The following CNTNAP2 variants were observed in gnomAD, a reference collection of about 807,000 sequenced individuals.
The protein encoded by CNTNAP2 is contactin-associated protein-like 2.
A neutral mutation model predicts 155.2 loss-of-function variants in CNTNAP2; 98 were observed. The ratio of observed to expected loss-of-function variants is 0.63; its 90% CI spans 0.54 to 0.75. CNTNAP2 has a LOEUF of 0.75. Ranked by LOEUF, CNTNAP2 falls within the 30% of genes least tolerant of loss-of-function variation. The pLI, the probability that CNTNAP2 is intolerant of heterozygous loss-of-function variation, is 0.00. For synonymous variants in CNTNAP2, 651 were observed against 631.2 expected (o/e 1.03, Z -0.47); for missense variants, 1,727 against 1,688.1 (o/e 1.02, Z -0.40).
intron 13 of CNTNAP2, among the ~76,000 whole-genome samples, chr7:147,852,987 GA>G (rs1171478720): frequency 6.6e-6 from 1 of 152,152 alleles, no homozygotes; most frequent in East Asian, 1.9e-4. Flanking sequence ...CCCACAGATG[GA>G]AGGAACATTG....
intron 3 of CNTNAP2, among the ~76,000 whole-genome samples, chr7:147,004,804 G>C (rs1798495493): frequency 6.6e-6 from 1 of 151,902 alleles, no homozygotes; most frequent in South Asian, 2.1e-4. Flanking sequence ...GAATTAATTA[G>C]CTTCTCCAAG....
intron 9 of CNTNAP2, among the ~76,000 whole-genome samples, chr7:147,385,897 G>A (rs189271635): frequency 0.01 from 1,558 of 152,294 alleles, 5 homozygotes; most frequent in Non-Finnish European, 0.016. Flanking sequence ...TCTTCATGAG[G>A]GTCCCATCTC....
chr7:147,128,752 C>T lies in CNTNAP2; in HGVS notation c.999C>T (p.Phe333=). Residue 333 remains phenylalanine, a synonymous_variant, in exon 7 of 24, where the codon TTC becomes TTT. Transcript: ENST00000361727. ...GKPSSSSRKN[F]KGCMESINYN... ...CCAGCTCCAGCAGTAGAAAGAATTT[C>T]AAAGGCTGCATGGAAAGCATCAACT... 1 of 1,614,028 alleles carries T rather than the reference C, an allele frequency of 6.2e-7. No homozygotes were observed. Among genetic ancestry groups the T allele is most frequent in the Non-Finnish European group, 8.5e-7 (1 of 1,179,960 alleles).
chr7:147,558,581 T>G (rs995530145), intron 11 of CNTNAP2, among the ~76,000 whole-genome samples: 5 of 152,184 alleles, frequency 3.3e-5, no homozygotes, highest in Non-Finnish European at 7.3e-5. Context: ...ACTGAAGTGT[T>G]TGGTTTTCTG....
intron 1 of CNTNAP2, among the ~76,000 whole-genome samples, chr7:146,657,814 C>G (rs938687685): frequency 6.6e-6 from 1 of 151,782 alleles, no homozygotes; most frequent in Non-Finnish European, 1.5e-5. Flanking sequence ...TCAAAGAAAC[C>G]TTTTAGAATG....
At chr7:146,780,809 G>A (rs1288499849) in intron 2 of CNTNAP2, among the ~76,000 whole-genome samples, 1 of 152,028 alleles carries the variant, frequency 6.6e-6, no homozygotes, top group East Asian at 1.9e-4. Context: ...CTTATAAATG[G>A]GAGCTGAACA....
intron 3 of CNTNAP2, among the ~76,000 whole-genome samples, chr7:146,881,731 G>T (rs1319627066): frequency 2.8e-5 from 4 of 142,930 alleles, no homozygotes; most frequent in Non-Finnish European, 4.6e-5. Flanking sequence ...TCTGTCACTT[G>T]TGCTTGGTGA....
chr7:146,733,447 C>T (rs1468985921), intron 1 of CNTNAP2, among the ~76,000 whole-genome samples: 1 of 151,958 alleles, frequency 6.6e-6, no homozygotes, highest in Non-Finnish European at 1.5e-5. Context: ...AAAATATATA[C>T]ATTTAAATTC....
intron 20 of CNTNAP2, among the ~76,000 whole-genome samples, chr7:148,248,634 C>A (rs1048998303): frequency 6.6e-6 from 1 of 152,146 alleles, no homozygotes; most frequent in African/African-American, 2.4e-5. Context: ...AATATACCCC[C>A]ATGCATTTAT....
intron 1 of CNTNAP2, among the ~76,000 whole-genome samples, chr7:146,344,751 G>T: frequency 6.6e-6 from 1 of 152,134 alleles, no homozygotes; most frequent in East Asian, 1.9e-4. Flanking sequence ...GTGCTGGATT[G>T]CTGGCATGAG....
intron 1 of CNTNAP2, among the ~76,000 whole-genome samples, chr7:146,525,070 G>A (rs368999665): frequency 1.3e-5 from 2 of 151,878 alleles, no homozygotes; most frequent in East Asian, 3.9e-4. Context: ...AGTATAGAAG[G>A]TCAGTGGATC....
intron 19 of CNTNAP2, among the ~76,000 whole-genome samples, chr7:148,228,217 A>T (rs1042631242): frequency 1.3e-5 from 2 of 152,178 alleles, no homozygotes; most frequent in African/African-American, 4.8e-5. Context: ...CAATTTGAGT[A>T]ACAAATGAGA....
intron 17 of CNTNAP2, among the ~76,000 whole-genome samples, chr7:148,171,954 GA>G (rs1365843993): frequency 1.3e-5 from 2 of 152,194 alleles, no homozygotes; most frequent in Non-Finnish European, 2.9e-5. Context: ...TTTTCTATAG[GA>G]AACCAGATTA....
chr7:146,593,936 G>A (rs535115246), intron 1 of CNTNAP2, among the ~76,000 whole-genome samples: 2 of 152,168 alleles, frequency 1.3e-5, no homozygotes, highest in African/African-American at 4.8e-5. Context: ...GTTCTCCCAT[G>A]CTTCATATCT....
chr7:146,671,267 G>A (rs1800299546), intron 1 of CNTNAP2, among the ~76,000 whole-genome samples: 1 of 152,148 alleles, frequency 6.6e-6, no homozygotes, highest in Admixed American at 6.5e-5. Context: ...CATCACCTGT[G>A]TGAAGGTCTA....
At chr7:146,385,477 G>T (rs138306786) in intron 1 of CNTNAP2, among the ~76,000 whole-genome samples, 241 of 152,284 alleles carry the variant, frequency 1.6e-3, no homozygotes, top group Admixed American at 0.014. Context: ...ATTCAGCTAA[G>T]AATAGTTAAT....
At chr7:147,743,388 A>G (rs1796983817) in intron 13 of CNTNAP2, among the ~76,000 whole-genome samples, 1 of 152,190 alleles carries the variant, frequency 6.6e-6, no homozygotes, top group African/African-American at 2.4e-5. Flanking sequence ...GTCATAAAAA[A>G]TCTGGTGCTG....
chr7:146,457,474 A>G, intron 1 of CNTNAP2, among the ~76,000 whole-genome samples: 1 of 90,918 alleles, frequency 1.1e-5, no homozygotes, highest in Admixed American at 1.2e-4. Flanking sequence ...TTATAGCTTC[A>G]AAAATGAATA....
In CNTNAP2 at chr7:146,489,788, G is replaced by T. The variant is rs569145585; in HGVS notation, c.98-284483G>T. ...ATAGCTCTCAGCAGAGAAGGCACGT[G>T]GGGGTGGTCTCCAACCCCTGAAGTC... On this transcript the variant is annotated intron_variant, in intron 1 of 23. Coordinates refer to ENST00000361727, the MANE Select transcript of CNTNAP2 (RefSeq NM_014141.6). Among the ~76,000 whole-genome samples the T allele has an allele frequency of 7.2e-5, 11 of 152,090 alleles. 1 individual carries two copies. The South Asian group carries it at 1.9e-3, about 26-fold the overall frequency.
Sources: gnomAD v4.1 joint callset for allele counts (sites outside exome capture counted in the v4.1 genomes callset) on GRCh38, gnomAD v4.1.1 for gene constraint, MANE v1.5 for transcripts, NCBI Gene and HGNC (gene_info 2026-07-23, HGNC 2026-07-21) for gene names.